The following VIPR1 variants were observed in gnomAD, a reference collection of about 807,000 sequenced individuals.
VIPR1 encodes the protein vasoactive intestinal polypeptide receptor 1.
VIPR1 carries 59 observed loss-of-function variants against 58.8 expected under a neutral mutation model. That is an observed-to-expected ratio of 1.00 (90% CI 0.81 to 1.25). VIPR1 has a LOEUF of 1.25. Ranked by LOEUF, VIPR1 falls within the 50% of genes most tolerant of loss-of-function variation. The pLI, the probability that VIPR1 is intolerant of heterozygous loss-of-function variation, is 0.00. For missense variants in VIPR1, 626 were observed against 602.7 expected, an observed-to-expected ratio of 1.04 and a Z score of -0.40; for synonymous variants, 251 against 242.1, an observed-to-expected ratio of 1.04 and a Z score of -0.34.
At position 42,519,380 on chromosome 3, in the gene VIPR1, G is replaced by A. The variant is rs746286062; in HGVS notation, c.292+50G>A. 2.6e-5 allele frequency: 39 copies of A among 1,500,058 alleles called. No individual in the cohort carries two copies. In the South Asian group the frequency reaches 4.7e-4, roughly 18 times the overall value. 92.9% of individuals were successfully genotyped at this position (1,500,058 alleles called of 1,614,324 possible). On this transcript the variant is annotated intron_variant, in intron 3 of 12. Transcript: ENST00000325123. ...GATGTGAGTGGGGCCGGCTGGAGTG[G>A]GGACTCACCTCTCAAGGAAGTGGAA...
chr3:42,521,461 G>C (rs1246948211), intron 3 of VIPR1: 1 of 152,214 alleles, frequency 6.6e-6, no homozygotes, highest in African/African-American at 2.4e-5. Flanking sequence ...AGATGAAGAA[G>C]TTGTGGGCAA....
At chr3:42,513,076 G>A in intron 1 of VIPR1, 1 of 629,082 alleles carries the variant, frequency 1.6e-6, no homozygotes, top group Non-Finnish European at 2.0e-6. Context: ...GGGAGGCCTG[G>A]TGGGATCCTA....
At chr3:42,501,533 A>C (rs1488110120), upstream of VIPR1, among the ~76,000 whole-genome samples, 4 of 152,244 alleles carry the variant, frequency 2.6e-5, no homozygotes, top group East Asian at 7.7e-4. The surrounding 1 kb of genome is among the most constrained non-coding windows in gnomAD (Gnocchi z 4.8). Context: ...CCGTAGAAAG[A>C]GGGCTAGCAG....
chr3:42,524,382 A>T (rs1469709878), intron 3 of VIPR1, among the ~76,000 whole-genome samples: 1 of 152,118 alleles, frequency 6.6e-6, no homozygotes, highest in Non-Finnish European at 1.5e-5. Context: ...TGAGGTTGGG[A>T]GCCCAGGGCA....
At chr3:42,503,558 T>C (rs1272564694) in intron 1 of VIPR1, among the ~76,000 whole-genome samples, 1 of 152,156 alleles carries the variant, frequency 6.6e-6, no homozygotes, top group African/African-American at 2.4e-5. Context: ...TGTACTCGTG[T>C]GCCCCATGTG....
chr3:42,525,795 G>A (rs1250204483), intron 3 of VIPR1, 92 bp from the exon 4 acceptor site: 9 of 1,327,874 alleles, frequency 6.8e-6, no homozygotes, highest in Non-Finnish European at 9.2e-6. Context: ...GGTGGGAGTA[G>A]GGCTGAATTC....
intron 2 of VIPR1, among the ~76,000 whole-genome samples, chr3:42,518,896 C>T (rs1483860688): frequency 6.6e-6 from 1 of 152,216 alleles, no homozygotes; most frequent in Non-Finnish European, 1.5e-5. Context: ...GTCTGTCTGG[C>T]ATCCCTGGTG....
At chr3:42,510,116 G>A (rs142613615) in intron 1 of VIPR1, among the ~76,000 whole-genome samples, 22 of 152,146 alleles carry the variant, frequency 1.4e-4, no homozygotes, top group Admixed American at 3.3e-4. Context: ...GTCTCCTGAT[G>A]CCCCCAGAAC....
chr3:42,518,281 G>A (rs529711325), intron 2 of VIPR1, among the ~76,000 whole-genome samples: 8 of 151,940 alleles, frequency 5.3e-5, no homozygotes, highest in Non-Finnish European at 8.8e-5. Flanking sequence ...TAGTTGTATC[G>A]GTGACTCAAG....
At chr3:42,517,180 C>A (rs1227322894) in intron 2 of VIPR1, among the ~76,000 whole-genome samples, 2 of 152,210 alleles carry the variant, frequency 1.3e-5, no homozygotes, top group Admixed American at 1.3e-4. Flanking sequence ...TGCTGCAGCC[C>A]CAGAAAGTGC....
intron 1 of VIPR1, among the ~76,000 whole-genome samples, chr3:42,503,192 A>C (rs1251514247): frequency 6.6e-6 from 1 of 152,070 alleles, no homozygotes; most frequent in Non-Finnish European, 1.5e-5. Flanking sequence ...ACCGTAGGTG[A>C]GAGGGAGGAT....
chr3:42,500,702 G>A (rs1212097968), upstream of VIPR1, among the ~76,000 whole-genome samples: 2 of 152,172 alleles, frequency 1.3e-5, no homozygotes, highest in Admixed American at 1.3e-4. Context: ...GGGTCATAAG[G>A]AGAGACAAAG....
intron 1 of VIPR1, among the ~76,000 whole-genome samples, chr3:42,504,707 G>A (rs1329482988): frequency 1.1e-4 from 15 of 130,738 alleles, no homozygotes; most frequent in Non-Finnish European, 1.7e-4. Context: ...GCTACCAATC[G>A]CTCCCTCATG....
intron 2 of VIPR1, among the ~76,000 whole-genome samples, chr3:42,517,903 G>A (rs1432335443): frequency 6.6e-6 from 1 of 152,118 alleles, no homozygotes; most frequent in Non-Finnish European, 1.5e-5. Context: ...TTTAACCTGG[G>A]AGGTGGAGGT....
In VIPR1 at chr3:42,531,479, A is replaced by G. The variant is rs780445720; in HGVS notation, c.799A>G (p.Ser267Gly). 6.3e-7 allele frequency: 1 copy of G among 1,584,954 alleles called. No individual in the cohort carries two copies. ...CTCCCTGGGCCTGACAGGGGTACCC[A>G]GCACATTCACCATGGTGTGGACCAT... ...GYILIGWGVP[S>G]TFTMVWTIAR... Residue 267 changes from serine (S) to glycine (G), a missense_variant, in exon 8 of 13, where the codon AGC becomes GGC. Transcript: ENST00000325123.
chr3:42,506,594 C>G (rs1262522596), intron 1 of VIPR1: 1 of 151,892 alleles, frequency 6.6e-6, no homozygotes, highest in Non-Finnish European at 1.5e-5. Context: ...GTGGTGTGAT[C>G]TTGGCTCACT....
intron 1 of VIPR1, chr3:42,513,523 G>A (rs1700464956): frequency 1.9e-6 from 1 of 515,570 alleles, no homozygotes; most frequent in Non-Finnish European, 3.5e-6. Context: ...GCACTAATGG[G>A]GGAGCCATCA....
chr3:42,501,143 A>G (rs981233609), upstream of VIPR1, among the ~76,000 whole-genome samples: 1 of 152,154 alleles, frequency 6.6e-6, no homozygotes, highest in Non-Finnish European at 1.5e-5. This position sits in a 1 kb window ranked among gnomAD's most constrained non-coding sequence, Gnocchi z 4.8. Flanking sequence ...GAATGCTGGA[A>G]GGGAGGAAGA....
At chr3:42,521,062 T>C (rs1011271896) in intron 3 of VIPR1, among the ~76,000 whole-genome samples, 1 of 152,126 alleles carries the variant, frequency 6.6e-6, no homozygotes, top group Non-Finnish European at 1.5e-5. Flanking sequence ...ACCTGCTAAT[T>C]GCCTTTCTCC....
Sources: gnomAD v4.1 joint callset for allele counts (sites outside exome capture counted in the v4.1 genomes callset) on GRCh38, gnomAD v4.1.1 for gene constraint, Gnocchi (gnomAD v3.1) non-coding constraint, MANE v1.5 for transcripts, NCBI Gene and HGNC (gene_info 2026-07-23, HGNC 2026-07-21) for gene names.